BICC1: variants seen among roughly 807,000 people sequenced by gnomAD.
The protein encoded by BICC1 is protein bicaudal C homolog 1.
In BICC1, 43 loss-of-function variants were observed where a neutral mutation model predicts 111.0. The ratio of observed to expected loss-of-function variants is 0.39; its 90% CI spans 0.30 to 0.50. The LOEUF is 0.50. Ranked by LOEUF, BICC1 falls within the 20% of genes least tolerant of loss-of-function variation. BICC1 has a pLI of 0.88. For synonymous variants in BICC1, 467 were observed against 434.4 expected (o/e 1.07, Z -0.93); for missense variants, 1,091 against 1,203.2 (o/e 0.91, Z 1.38).
chr10:58,666,176 G>A (rs766356997), intron 2 of BICC1, among the ~76,000 whole-genome samples: 5 of 152,158 alleles, frequency 3.3e-5, no homozygotes, highest in Admixed American at 6.5e-5. Flanking sequence ...ACAAAAAAAC[G>A]TAAAATGACC....
intron 1 of BICC1, among the ~76,000 whole-genome samples, chr10:58,542,609 A>G (rs934884095): frequency 2.6e-5 from 4 of 152,152 alleles, no homozygotes; most frequent in Non-Finnish European, 5.9e-5. Flanking sequence ...ATTGCAAACC[A>G]TATATCTCAT....
chr10:58,680,350 A>C (rs1367694815), intron 2 of BICC1, among the ~76,000 whole-genome samples: 1 of 152,186 alleles, frequency 6.6e-6, no homozygotes, highest in Non-Finnish European at 1.5e-5. Flanking sequence ...TCAGGATACA[A>C]AATGTGCAAA....
Position 58,730,988 on chromosome 10 carries a change from A to G in BICC1, c.307+28845A>G, listed in dbSNP as rs140660869. 2.4e-3 allele frequency among the ~76,000 whole-genome samples: 365 copies of G among 152,270 alleles called. 1 individual carries two copies. The highest frequency in any genetic ancestry group is 8.2e-3 in the African/African-American group (342 of 41,556). ...TTTTCTAACACAGAAGCAGGCTGCA[A>G]ATTTTTCCAAACTTTTATGTTGTGC... is the stretch of plus-strand genomic sequence containing the variant. On this transcript the variant is annotated intron_variant, in intron 3 of 20. Transcript: ENST00000373886.
intron 2 of BICC1, among the ~76,000 whole-genome samples, chr10:58,695,969 T>G (rs758766362): frequency 2.0e-4 from 30 of 152,200 alleles, no homozygotes; most frequent in Non-Finnish European, 3.5e-4. Flanking sequence ...GAAAGTGAAA[T>G]TACTTAAATG....
At chr10:58,596,199 G>A (rs535190687) in intron 1 of BICC1, among the ~76,000 whole-genome samples, 7 of 152,000 alleles carry the variant, frequency 4.6e-5, no homozygotes, top group Admixed American at 6.6e-5. Flanking sequence ...AATAAGTTCC[G>A]CTCAACTTGT....
chr10:58,621,947 AAT>A (rs1845827081), intron 2 of BICC1, among the ~76,000 whole-genome samples: 7 of 135,064 alleles, frequency 5.2e-5, no homozygotes, highest in African/African-American at 8.4e-5. Flanking sequence ...AATAGAATAG[AAT>A]AGAATAGAAT....
rs573116230 is a variant in BICC1, at chr10:58,521,768, GTTTTTTTTT to G, written c.190+8465_190+8473del. 5.7e-4 allele frequency among the ~76,000 whole-genome samples: 64 copies of G among 112,796 alleles called. 1 individual carries two copies. Among genetic ancestry groups the G allele is most frequent in the African/African-American group, 1.7e-3 (57 of 33,412 alleles). The allele number at this position is 112,796 out of a possible 152,430, so 74.0% of individuals were successfully genotyped here. On this transcript the variant is annotated intron_variant, in intron 1 of 20. Transcript: ENST00000373886. ...ATGAAAATCAGCCAGGGAATGTGGT[GTTTTTTTTT>G]TTTTTTTTTTTTTTTTTTTTTTTTT...
At chr10:58,591,425 A>G (rs1319382328) in intron 1 of BICC1, among the ~76,000 whole-genome samples, 1 of 152,150 alleles carries the variant, frequency 6.6e-6, no homozygotes, top group Middle Eastern at 3.2e-3. Context: ...GAAGTCAAAG[A>G]TCAAGCGTCT....
At chr10:58,793,675 T>G in intron 9 of BICC1, 60 bp downstream of exon 9, 1 of 1,559,502 alleles carries the variant, frequency 6.4e-7, no homozygotes, top group Admixed American at 1.8e-5. Flanking sequence ...TATAGTTTTA[T>G]TTTGCATAGA....
chr10:58,536,800 C>G (rs1474413198), intron 1 of BICC1, among the ~76,000 whole-genome samples: 1 of 151,612 alleles, frequency 6.6e-6, no homozygotes, highest in Admixed American at 6.6e-5. Flanking sequence ...TGATACACTA[C>G]TAGCTAGATT....
intron 2 of BICC1, among the ~76,000 whole-genome samples, chr10:58,680,712 C>T (rs544212565): frequency 6.6e-6 from 1 of 152,258 alleles, no homozygotes; most frequent in South Asian, 2.1e-4. Context: ...GCCTGTATAG[C>T]CAAGACAATT....
intron 1 of BICC1, among the ~76,000 whole-genome samples, chr10:58,531,021 C>G (rs1166573607): frequency 6.6e-6 from 1 of 151,852 alleles, no homozygotes; most frequent in Non-Finnish European, 1.5e-5. Flanking sequence ...TTCATTTCAT[C>G]TGAGTCGGCC....
chr10:58,710,400 C>T (rs777446418), intron 3 of BICC1, among the ~76,000 whole-genome samples: 17 of 152,158 alleles, frequency 1.1e-4, no homozygotes, highest in Admixed American at 2.0e-4. Flanking sequence ...TGATGATGCT[C>T]AGTCCAGTTT....
chr10:58,535,799 G>A lies in BICC1; in HGVS notation c.190+22466G>A, dbSNP rs77654903. The stretch of plus-strand genomic sequence containing the variant: ...ACAGATTGGCAAAATGAATAAAATC[G>A]TCACAAACCAAATATCTGCTGTCTT... On this transcript the variant is annotated intron_variant, in intron 1 of 20. Coordinates refer to ENST00000373886, the MANE Select transcript of BICC1 (RefSeq NM_001080512.3). Among the ~76,000 whole-genome samples, 852 of 151,650 alleles carry A rather than the reference G, an allele frequency of 5.6e-3. 4 individuals are homozygous for A. Among genetic ancestry groups the A allele is most frequent in the African/African-American group, 0.019 (804 of 41,454 alleles).
intron 2 of BICC1, among the ~76,000 whole-genome samples, chr10:58,665,188 C>T (rs1330174984): frequency 2.6e-5 from 4 of 152,050 alleles, no homozygotes; most frequent in South Asian, 2.1e-4. Context: ...TCTTGTGTGC[C>T]GAAGCCTCAG....
At chr10:58,630,340 CAG>C (rs1282380926) in intron 2 of BICC1, among the ~76,000 whole-genome samples, 2 of 152,086 alleles carry the variant, frequency 1.3e-5, no homozygotes, top group East Asian at 1.9e-4. Flanking sequence ...AAGCAGAAGA[CAG>C]AGGGGGAAAA....
chr10:58,601,063 A>G (rs1313367940), intron 1 of BICC1, among the ~76,000 whole-genome samples: 1 of 147,132 alleles, frequency 6.8e-6, no homozygotes, highest in African/African-American at 2.5e-5. Context: ...ATAGAATTAG[A>G]CTTGATAAGA....
intron 1 of BICC1, among the ~76,000 whole-genome samples, chr10:58,598,818 C>A (rs1219706739): frequency 1.3e-5 from 2 of 151,990 alleles, no homozygotes; most frequent in East Asian, 3.9e-4. Flanking sequence ...AAGAAAAAAA[C>A]AACCCCATAA....
At chr10:58,621,601 C>T in intron 2 of BICC1, among the ~76,000 whole-genome samples, 1 of 152,020 alleles carries the variant, frequency 6.6e-6, no homozygotes, top group Middle Eastern at 3.2e-3. Context: ...TTACTTGAGT[C>T]CAGGAATCAA....
Sources: gnomAD v4.1 joint callset for allele counts (sites outside exome capture counted in the v4.1 genomes callset) on GRCh38, gnomAD v4.1.1 for gene constraint, MANE v1.5 for transcripts, NCBI Gene and HGNC (gene_info 2026-07-23, HGNC 2026-07-21) for gene names.